The following KREMEN1 variants were observed in gnomAD, a reference collection of about 807,000 sequenced individuals.
KREMEN1 encodes the protein kringle containing transmembrane protein 1.
KREMEN1 carries 30 observed loss-of-function variants against 46.5 expected under a neutral mutation model. The observed-to-expected ratio is 0.65, with a 90% confidence interval of 0.48 to 0.88. KREMEN1 has a LOEUF of 0.88. KREMEN1 is among the 40% of genes least tolerant of loss of function. KREMEN1 has a pLI of 0.00. For synonymous variants in KREMEN1, 214 were observed against 230.6 expected (o/e 0.93, Z 0.65); for missense variants, 533 against 596.9 (o/e 0.89, Z 1.11).
chr22:29,092,321 C>A (rs2145758335), intron 1 of KREMEN1, among the ~76,000 whole-genome samples: 1 of 152,240 alleles, frequency 6.6e-6, no homozygotes, highest in South Asian at 2.1e-4. Context: ...TGGTCGAGTG[C>A]CCAGCTCCCT....
rs1233094136 is a variant in KREMEN1 at position 29,167,365 on chromosome 22, TAGAA to T, written c.*271_*274del. On this transcript the variant is annotated 3_prime_UTR_variant, in exon 10 of 10. Coordinates refer to the KREMEN1 transcript ENST00000327813. ...CAGAGCGGGACCTCGTCTCTAAGAA[TAGAA>T]AGAAAGAAAGAGAAACGGTGTCCTC... The T allele has an allele frequency of 6.7e-5, 33 of 494,090 alleles. 1 individual carries two copies. The highest frequency in any genetic ancestry group is 3.0e-4 in the Admixed American group (9 of 30,282). The allele number at this position is 494,090 out of a possible 1,614,324, so 30.6% of individuals were successfully genotyped here. A position where few individuals can be genotyped will look rare whatever the true frequency, so the allele number is the denominator to read the frequency against.
chr22:29,119,793 G>A (rs1192134678), intron 3 of KREMEN1, among the ~76,000 whole-genome samples: 1 of 152,206 alleles, frequency 6.6e-6, no homozygotes, highest in Non-Finnish European at 1.5e-5. Flanking sequence ...TCAGTGTGGT[G>A]GGCTGAAGAA....
At position 29,144,013 on chromosome 22, in the gene KREMEN1, A is replaced by G. The variant is rs990307135; in HGVS notation, c.*1901A>G. On this transcript the variant is annotated 3_prime_UTR_variant, in exon 9 of 9. Coordinates refer to ENST00000400335, the MANE Select transcript of KREMEN1 (RefSeq NM_001039570.3). ...GGAGAGTAAGTGCCATCACTAATTT[A>G]AAAGTCCTTGCCATCTGGAATCAGG... is the stretch of plus-strand genomic sequence containing the variant. 2 of 985,418 alleles carry G rather than the reference A, an allele frequency of 2.0e-6. No homozygotes were observed. The highest frequency in any genetic ancestry group is 1.7e-5 in the African/African-American group (1 of 57,244). The allele number at this position is 985,418 out of a possible 1,614,324, so 61.0% of individuals were successfully genotyped here. A position where few individuals can be genotyped will look rare whatever the true frequency, so the allele number is the denominator to read the frequency against.
chr22:29,146,061 C>T lies in KREMEN1; in HGVS notation c.*3949C>T. ...CGGATGGCCTCCGAGACCCTGCCTC[C>T]CTGGTCTGCTGAGGTCAGGCCAGGT... On this transcript the variant is annotated 3_prime_UTR_variant, in exon 9 of 9. Transcript: ENST00000400335. 2 of 986,000 alleles carry T rather than the reference C, an allele frequency of 2.0e-6. No individual in the cohort carries two copies. The highest frequency in any genetic ancestry group is 2.4e-6 in the Non-Finnish European group (2 of 830,060). The allele number at this position is 986,000 out of a possible 1,614,324, so 61.1% of individuals were successfully genotyped here. A position where few individuals can be genotyped will look rare whatever the true frequency, so the allele number is the denominator to read the frequency against.
intron 4 of KREMEN1, among the ~76,000 whole-genome samples, chr22:29,123,796 A>C (rs1350140255): frequency 2.6e-5 from 4 of 152,252 alleles, no homozygotes; most frequent in African/African-American, 9.6e-5. Flanking sequence ...TCTGAAAAAC[A>C]AAAGAAAACA....
chr22:29,091,069 G>A (rs2037796994), intron 1 of KREMEN1, among the ~76,000 whole-genome samples: 1 of 152,226 alleles, frequency 6.6e-6, no homozygotes, highest in Admixed American at 6.5e-5. Context: ...CGCCTCCTGG[G>A]TTCAAGCGAT....
At chr22:29,163,125 G>A (rs954920480) in intron 9 of KREMEN1, among the ~76,000 whole-genome samples, 13 of 151,984 alleles carry the variant, frequency 8.6e-5, no homozygotes, top group Non-Finnish European at 1.8e-4. Context: ...AAGGATTACC[G>A]GGGCAATTCC....
intron 5 of KREMEN1, among the ~76,000 whole-genome samples, chr22:29,126,860 G>A (rs2145824267): frequency 6.6e-6 from 1 of 152,284 alleles, no homozygotes; most frequent in Middle Eastern, 3.4e-3. Flanking sequence ...TATACATCCT[G>A]TTATGTCCAG....
At chr22:29,138,872 G>T in intron 7 of KREMEN1, 90 bp downstream of exon 7, 1 of 1,586,116 alleles carries the variant, frequency 6.3e-7, no homozygotes, top group Non-Finnish European at 8.7e-7. Context: ...AAGCACTTGG[G>T]TGTTTCTTAT....
Position 29,115,476 on chromosome 22 carries a change from C to T in KREMEN1, c.353-5881C>T, listed in dbSNP as rs184391256. Among the ~76,000 whole-genome samples, 11 of 152,160 alleles carry T rather than the reference C, an allele frequency of 7.2e-5. No homozygotes were observed. The East Asian group carries it at 2.1e-3, about 29-fold the overall frequency. On this transcript the variant is annotated intron_variant, in intron 3 of 8. Coordinates refer to ENST00000400335, the MANE Select transcript of KREMEN1 (RefSeq NM_001039570.3). ...CAGAAGTACCATTATCCACTCATTCCATGATTTCAGTGGGTGACACAGGAA... is the reference window on the plus strand; with the variant it reads ...CAGAAGTACCATTATCCACTCATTCTATGATTTCAGTGGGTGACACAGGAA...
At chr22:29,134,343 G>T (rs143083258) in intron 5 of KREMEN1, among the ~76,000 whole-genome samples, 1,603 of 152,118 alleles carry the variant, frequency 0.011, 29 homozygotes, top group African/African-American at 0.037. Context: ...TTTTTGTAGA[G>T]ATGGGGTCTC....
intron 5 of KREMEN1, among the ~76,000 whole-genome samples, chr22:29,134,416 CAA>C (rs2038623781): frequency 6.6e-6 from 1 of 152,076 alleles, no homozygotes; most frequent in African/African-American, 2.4e-5. Flanking sequence ...CGTGGCCCCT[CAA>C]AGTGTTGGGA....
rs76306445 is a variant in KREMEN1 at position 29,155,018 on chromosome 22, G to GAA, written c.1417-12018_1417-12017dup. ...GTGGTGTATAATCTCCAAAGGCAAT[G>GAA]AAAAAAAAAGAACAAATTAATGTAG... is the stretch of plus-strand genomic sequence containing the variant. On this transcript the variant is annotated intron_variant, in intron 9 of 9. Coordinates refer to the KREMEN1 transcript ENST00000327813. Among the ~76,000 whole-genome samples, 19 of 148,420 alleles carry GAA rather than the reference G, an allele frequency of 1.3e-4. No homozygotes were observed. The South Asian group carries it at 3.6e-3, about 28-fold the overall frequency.
downstream of KREMEN1, among the ~76,000 whole-genome samples, chr22:29,151,201 C>A (rs1388959995): frequency 6.6e-6 from 1 of 152,170 alleles, no homozygotes; most frequent in Non-Finnish European, 1.5e-5. Context: ...GGTCCAGAGA[C>A]CCCCTGCCCC....
Position 29,144,347 on chromosome 22 carries a change from T to G in KREMEN1, c.*2235T>G. 1 of 985,664 alleles carries G rather than the reference T, an allele frequency of 1.0e-6. No individual in the cohort carries two copies. Among genetic ancestry groups the G allele is most frequent in the Non-Finnish European group, 1.2e-6 (1 of 830,136 alleles). 61.1% of individuals were successfully genotyped at this position (985,664 alleles called of 1,614,324 possible). On this transcript the variant is annotated 3_prime_UTR_variant, in exon 9 of 9. Transcript: ENST00000400335. ...TGAGTTCAGGAGAGGTGCTTGGAGC[T>G]TCAGGCAGAGGGGCCTTCAGAGGAG...
chr22:29,098,721 T>A, intron 2 of KREMEN1, 141 bp from the exon 3 acceptor site: 1 of 644,142 alleles, frequency 1.6e-6, no homozygotes, highest in South Asian at 1.9e-5. Context: ...TCCCTTTTGA[T>A]GAGAGATGGC....
intron 1 of KREMEN1, among the ~76,000 whole-genome samples, chr22:29,092,065 C>A (rs1177168463): frequency 1.3e-5 from 2 of 152,122 alleles, no homozygotes; most frequent in Admixed American, 6.5e-5. Context: ...TGAGTGCCAT[C>A]ATTCTTTTAA....
At chr22:29,139,181 A>G (rs2038718983) in intron 7 of KREMEN1, among the ~76,000 whole-genome samples, 1 of 152,242 alleles carries the variant, frequency 6.6e-6, no homozygotes, top group African/African-American at 2.4e-5. Flanking sequence ...CAGTGGTGCC[A>G]GGCACTGTTC....
chr22:29,106,613 A>T (rs2038064378), intron 3 of KREMEN1, among the ~76,000 whole-genome samples: 1 of 152,188 alleles, frequency 6.6e-6, no homozygotes, highest in Non-Finnish European at 1.5e-5. Context: ...TGAGGATTAC[A>T]GTCTGAGTCA....
Sources: allele counts gnomAD v4.1 joint callset (sites outside exome capture counted in the v4.1 genomes callset), GRCh38; gene constraint gnomAD v4.1.1; transcripts MANE v1.5; gene names NCBI Gene and HGNC (gene_info 2026-07-23, HGNC 2026-07-21).